Variants in CALN1 observed in about 807,000 individuals in gnomAD.
CALN1 encodes calcium-binding protein 8.
A neutral mutation model predicts 30.6 loss-of-function variants in CALN1; 17 were observed. The ratio of observed to expected loss-of-function variants is 0.56; its 90% CI spans 0.38 to 0.83. CALN1 has a LOEUF of 0.83. CALN1 is among the 40% of genes least tolerant of loss of function. The pLI, the probability that CALN1 is intolerant of heterozygous loss-of-function variation, is 0.00. For synonymous variants in CALN1, 156 were observed against 131.4 expected (o/e 1.19, Z -1.28); for missense variants, 291 against 354.9 (o/e 0.82, Z 1.45).
At chr7:72,392,362 G>A (rs756551662) in intron 2 of CALN1, among the ~76,000 whole-genome samples, 13 of 152,152 alleles carry the variant, frequency 8.5e-5, no homozygotes, top group Admixed American at 3.9e-4. Flanking sequence ...AGTTTGGGGC[G>A]GTTTATTACA....
chr7:71,934,630 A>G (rs1795734800), intron 5 of CALN1, among the ~76,000 whole-genome samples: 1 of 152,318 alleles, frequency 6.6e-6, no homozygotes, highest in East Asian at 1.9e-4. Context: ...TGGGGAGGGC[A>G]CCAAGCCATT....
intron 5 of CALN1, among the ~76,000 whole-genome samples, chr7:71,895,188 C>A (rs1793467725): frequency 6.6e-6 from 1 of 152,184 alleles, no homozygotes; most frequent in South Asian, 2.1e-4. Context: ...CTCCTGGGCC[C>A]AAGCAATCCA....
chr7:71,904,776 C>T (rs548934896), intron 5 of CALN1, among the ~76,000 whole-genome samples: 1 of 152,268 alleles, frequency 6.6e-6, no homozygotes, highest in East Asian at 1.9e-4. Context: ...TGTACGTATA[C>T]TTCAAAACAT....
At chr7:72,403,809 ATT>A (rs1806518866) in intron 1 of CALN1, among the ~76,000 whole-genome samples, 1 of 152,188 alleles carries the variant, frequency 6.6e-6, no homozygotes, top group Admixed American at 6.5e-5. Flanking sequence ...TGCCAGCATC[ATT>A]TGTTTCCTTG....
chr7:72,390,562 A>G (rs1466938565), intron 2 of CALN1, among the ~76,000 whole-genome samples: 1 of 152,202 alleles, frequency 6.6e-6, no homozygotes, highest in East Asian at 1.9e-4. Context: ...GGGAAAGAAT[A>G]TACCTTTATT....
chr7:72,410,248 T>C (rs1161800876), intron 1 of CALN1, among the ~76,000 whole-genome samples: 1 of 152,204 alleles, frequency 6.6e-6, no homozygotes, highest in Non-Finnish European at 1.5e-5. Context: ...TAACTGCTTA[T>C]GAGCAATGAA....
chr7:72,347,799 T>C (rs1802724138), intron 2 of CALN1, among the ~76,000 whole-genome samples: 1 of 152,164 alleles, frequency 6.6e-6, no homozygotes, highest in Admixed American at 6.5e-5. Context: ...TCTATGTTAC[T>C]AGGTTGGTGC....
At chr7:72,235,832 G>A (rs548514383) in intron 3 of CALN1, among the ~76,000 whole-genome samples, 9 of 151,812 alleles carry the variant, frequency 5.9e-5, no homozygotes, top group Non-Finnish European at 8.8e-5. Flanking sequence ...TTGCCCACCC[G>A]GTACCCCATC....
chr7:71,970,832 C>T (rs538532957), intron 5 of CALN1, among the ~76,000 whole-genome samples: 1 of 152,142 alleles, frequency 6.6e-6, no homozygotes, highest in Non-Finnish European at 1.5e-5. Context: ...TGCCAAATGG[C>T]AAGACCTACA....
chr7:72,094,216 A>G (rs923759414), intron 4 of CALN1, among the ~76,000 whole-genome samples: 1 of 152,218 alleles, frequency 6.6e-6, no homozygotes, highest in South Asian at 2.1e-4. Flanking sequence ...AAATCAAAGA[A>G]GATACACTGT....
chr7:72,149,049 C>T (rs10280182), intron 3 of CALN1, among the ~76,000 whole-genome samples: 150,764 of 152,212 alleles, frequency 0.99, 74,674 homozygotes, highest in East Asian at 1. Context: ...TTCCCTCTCT[C>T]GCTCTGTGTT....
intron 2 of CALN1, among the ~76,000 whole-genome samples, chr7:72,310,477 T>C (rs974852002): frequency 6.6e-6 from 1 of 151,492 alleles, no homozygotes; most frequent in Admixed American, 6.6e-5. Flanking sequence ...AAAGGAATCT[T>C]GGCTTCTGTG....
At chr7:71,963,623 C>CT (rs776857861) in intron 5 of CALN1, among the ~76,000 whole-genome samples, 21 of 152,126 alleles carry the variant, frequency 1.4e-4, no homozygotes, top group Middle Eastern at 3.2e-3. Context: ...TTTTTCTCTT[C>CT]TTTTTTTCTT....
intron 1 of CALN1, among the ~76,000 whole-genome samples, chr7:72,406,369 G>T (rs779523646): frequency 2.0e-5 from 3 of 152,130 alleles, no homozygotes; most frequent in Non-Finnish European, 4.4e-5. Flanking sequence ...ACAGCCTTAT[G>T]CATCTTGGGA....
At chr7:72,125,796 A>ATTT (rs779600689) in intron 3 of CALN1, among the ~76,000 whole-genome samples, 1 of 93,226 alleles carries the variant, frequency 1.1e-5, no homozygotes, top group African/African-American at 4.0e-5. Flanking sequence ...CCACTGTATC[A>ATTT]TTCTTTTTTT....
In CALN1 at chr7:72,422,628, TGA is replaced by T. The variant is rs1219119955; in HGVS notation, c.-225-10355_-225-10354del. On this transcript the variant is annotated intron_variant, in intron 1 of 6. Coordinates refer to the CALN1 transcript ENST00000395276. ...GACTTCTTAAAATATTCCCTCCCAG[TGA>T]GATTCCATTTATATAAATTGTCATT... is the stretch of plus-strand genomic sequence containing the variant. Among the ~76,000 whole-genome samples, 5 of 152,362 alleles carry T rather than the reference TGA, an allele frequency of 3.3e-5. No individual in the cohort carries two copies. In the East Asian group the frequency reaches 7.7e-4, roughly 24 times the overall value.
At chr7:72,325,611 TAAATA>T (rs1246306599) in intron 2 of CALN1, among the ~76,000 whole-genome samples, 5 of 151,872 alleles carry the variant, frequency 3.3e-5, no homozygotes, top group Non-Finnish European at 2.9e-5. Context: ...CGAAAATAAA[TAAATA>T]AAACAAGAGT....
intron 3 of CALN1, among the ~76,000 whole-genome samples, chr7:72,164,794 G>C (rs564319798): frequency 6.6e-6 from 1 of 152,314 alleles, no homozygotes; most frequent in East Asian, 1.9e-4. Context: ...CTCCTGAGCA[G>C]CTAGGAATAC....
chr7:72,266,082 A>G (rs895889480), intron 3 of CALN1, among the ~76,000 whole-genome samples: 2 of 151,684 alleles, frequency 1.3e-5, no homozygotes, highest in Non-Finnish European at 2.9e-5. Flanking sequence ...TACAGTGAGC[A>G]GTGAAGGCAC....
Sources: gnomAD v4.1 joint callset for allele counts (sites outside exome capture counted in the v4.1 genomes callset) on GRCh38, gnomAD v4.1.1 for gene constraint, MANE v1.5 for transcripts, NCBI Gene and HGNC (gene_info 2026-07-23, HGNC 2026-07-21) for gene names.